Variants in RNF150 observed in about 807,000 individuals in gnomAD.
RNF150 encodes ring finger protein 150.
In RNF150, 24 loss-of-function variants were observed where a neutral mutation model predicts 39.3. That is an observed-to-expected ratio of 0.61 (90% CI 0.44 to 0.86). The LOEUF (loss-of-function observed/expected upper bound fraction) is 0.86. RNF150 is among the 40% of genes least tolerant of loss of function. The probability of loss-of-function intolerance (pLI) is 0.00; values close to 1 mark genes in which losing one functional copy is unlikely to be tolerated. For synonymous variants in RNF150, 255 were observed against 227.3 expected (o/e 1.12, Z -1.10); for missense variants, 502 against 587.8 (o/e 0.85, Z 1.51).
chr4:140,957,346 A>G (rs1204610101), intron 2 of RNF150, among the ~76,000 whole-genome samples: 1 of 151,592 alleles, frequency 6.6e-6, no homozygotes. Context: ...CAAAACCACA[A>G]TGAGATACCA....
At chr4:140,899,992 G>A (rs935099284) in intron 6 of RNF150, among the ~76,000 whole-genome samples, 7 of 129,814 alleles carry the variant, frequency 5.4e-5, no homozygotes, top group African/African-American at 2.0e-4. Flanking sequence ...GTGTGTGTGT[G>A]TGTGTGTGTG....
At chr4:141,198,033 C>CT (rs143206387) in intron 1 of RNF150, among the ~76,000 whole-genome samples, 3,347 of 139,444 alleles carry the variant, frequency 0.024, 102 homozygotes, top group African/African-American at 0.07. Context: ...TAGACCACTC[C>CT]TTTTTTTTTT....
In RNF150 at chr4:141,034,656, C is replaced by T. The variant is rs113017351; in HGVS notation, c.485-66783G>A. Among the ~76,000 whole-genome samples the T allele has an allele frequency of 2.0e-4, 30 of 152,096 alleles. 1 individual carries two copies. The highest frequency in any genetic ancestry group is 6.0e-4 in the African/African-American group (25 of 41,474). On this transcript the variant is annotated intron_variant, in intron 1 of 6. Coordinates refer to ENST00000515673, the MANE Select transcript of RNF150 (RefSeq NM_020724.2). ...CTTTTACTTGAACACTTAGAGGCCA[C>T]GGTAGGGTTATTAATTGGCCTAATT... is the stretch of plus-strand genomic sequence containing the variant.
At chr4:140,993,955 T>C (rs1005743266) in intron 1 of RNF150, among the ~76,000 whole-genome samples, 3 of 152,080 alleles carry the variant, frequency 2.0e-5, no homozygotes, top group African/African-American at 4.8e-5. Context: ...TGAAACAAAG[T>C]TGCGTTTGTG....
At chr4:140,890,732 G>A (rs879302418) in intron 6 of RNF150, among the ~76,000 whole-genome samples, 4 of 152,188 alleles carry the variant, frequency 2.6e-5, no homozygotes, top group Non-Finnish European at 4.4e-5. Flanking sequence ...ATAAATGTCT[G>A]TTCTTTAAGC....
chr4:141,125,140 C>T (rs549125930), intron 1 of RNF150, among the ~76,000 whole-genome samples: 2 of 152,276 alleles, frequency 1.3e-5, no homozygotes, highest in African/African-American at 4.8e-5. Flanking sequence ...AGACCTAGAT[C>T]TAACCATGGT....
At chr4:141,045,820 A>T (rs994569099) in intron 1 of RNF150, among the ~76,000 whole-genome samples, 3 of 152,178 alleles carry the variant, frequency 2.0e-5, no homozygotes, top group Non-Finnish European at 4.4e-5. Context: ...CTGAGATTAC[A>T]GGCATGAGCC....
chr4:141,121,532 A>C (rs1422915925), intron 1 of RNF150, among the ~76,000 whole-genome samples: 1 of 152,160 alleles, frequency 6.6e-6, no homozygotes, highest in East Asian at 1.9e-4. Context: ...TAGCATATAG[A>C]TGAAATTTCA....
intron 1 of RNF150, among the ~76,000 whole-genome samples, chr4:141,053,325 G>C (rs185401687): frequency 6.6e-6 from 1 of 151,954 alleles, no homozygotes; most frequent in East Asian, 1.9e-4. Flanking sequence ...GAAGAATCAG[G>C]GTAAATGTAT....
chr4:140,978,649 A>G (rs1246220977), intron 1 of RNF150, among the ~76,000 whole-genome samples: 1 of 152,156 alleles, frequency 6.6e-6, no homozygotes, highest in African/African-American at 2.4e-5. Flanking sequence ...TTATTACATT[A>G]TTGAGTGATG....
At chr4:141,170,400 G>T (rs558367192) in intron 1 of RNF150, among the ~76,000 whole-genome samples, 15 of 152,230 alleles carry the variant, frequency 9.9e-5, no homozygotes, top group African/African-American at 2.9e-4. Flanking sequence ...ATGGCTGAAG[G>T]TTGCCTCTAG....
intron 1 of RNF150, among the ~76,000 whole-genome samples, chr4:141,177,828 AG>A (rs1457494485): frequency 1.3e-5 from 2 of 152,130 alleles, no homozygotes; most frequent in Non-Finnish European, 2.9e-5. Flanking sequence ...TTTAGAGAAA[AG>A]GGCTTTTTGT....
At chr4:140,879,673 C>A (rs1372044669) in intron 6 of RNF150, among the ~76,000 whole-genome samples, 3 of 151,592 alleles carry the variant, frequency 2.0e-5, no homozygotes, top group Admixed American at 6.6e-5. Flanking sequence ...TGAAAAAAAA[C>A]TAGCCTGGCA....
chr4:140,999,894 C>T (rs866341370), intron 1 of RNF150, among the ~76,000 whole-genome samples: 7 of 148,428 alleles, frequency 4.7e-5, no homozygotes, highest in South Asian at 2.2e-4. Context: ...GCCGAGATCA[C>T]GCCACTGCAC....
chr4:140,939,326 G>C (rs1344378242), intron 4 of RNF150, among the ~76,000 whole-genome samples: 2 of 152,186 alleles, frequency 1.3e-5, no homozygotes, highest in East Asian at 3.9e-4. Context: ...CTTTGTAAAA[G>C]TATAGCCTTA....
intron 1 of RNF150, among the ~76,000 whole-genome samples, chr4:141,195,256 C>T (rs147179366): frequency 3.3e-3 from 495 of 152,204 alleles, no homozygotes; most frequent in Non-Finnish European, 5.1e-3. Flanking sequence ...CTTGGCCTGC[C>T]CTCCTAAACC....
At chr4:141,068,230 C>A (rs1234707363) in intron 1 of RNF150, among the ~76,000 whole-genome samples, 1 of 152,190 alleles carries the variant, frequency 6.6e-6, no homozygotes, top group Admixed American at 6.5e-5. Flanking sequence ...CAGGCATGAG[C>A]CACCATGTCC....
intron 1 of RNF150, among the ~76,000 whole-genome samples, chr4:141,176,098 A>G (rs1727807191): frequency 6.7e-6 from 1 of 149,800 alleles, no homozygotes; most frequent in Middle Eastern, 3.4e-3. Flanking sequence ...GGATTTTGCC[A>G]TGTTGCCTAG....
At chr4:140,875,162 C>CTTTT (rs1560943059) in intron 6 of RNF150, among the ~76,000 whole-genome samples, 1 of 141,616 alleles carries the variant, frequency 7.1e-6, no homozygotes, top group African/African-American at 2.7e-5. Context: ...ACAATCATTA[C>CTTTT]GTTTTTTTTT....
Sources: gnomAD v4.1 joint callset for allele counts (sites outside exome capture counted in the v4.1 genomes callset) on GRCh38, gnomAD v4.1.1 for gene constraint, MANE v1.5 for transcripts, NCBI Gene and HGNC (gene_info 2026-07-23, HGNC 2026-07-21) for gene names.